The following ADAM28 variants were observed in gnomAD, a reference collection of about 807,000 sequenced individuals.
ADAM28 encodes disintegrin and metalloproteinase domain-containing protein 28.
ADAM28 carries 105 observed loss-of-function variants against 101.2 expected under a neutral mutation model. The observed-to-expected ratio is 1.04, with a 90% CI of 0.89 to 1.22. The LOEUF is 1.22. Among genes scored for constraint, ADAM28 ranks in the 50% most tolerant of loss-of-function variants. The pLI, the probability that ADAM28 is intolerant of heterozygous loss-of-function variation, is 0.00. For missense variants in ADAM28, 1,028 were observed against 945.4 expected, an observed-to-expected ratio of 1.09 and a Z score of -1.15; for synonymous variants, 322 against 310.6, an observed-to-expected ratio of 1.04 and a Z score of -0.39.
Position 24,353,759 on chromosome 8 carries a change from A to G in ADAM28, c.2245-11A>G, listed in dbSNP as rs762765577. On this transcript the variant is annotated splice_polypyrimidine_tract_variant and intron_variant, in intron 21 of 22. Coordinates refer to ENST00000265769, the MANE Select transcript of ADAM28 (RefSeq NM_014265.6). ...TCTAATGCCATACCATTGTTTTTAT[A>G]ATTAACGTAGCATAAAGACACAAAC... 4 of 1,445,306 alleles carry G rather than the reference A, an allele frequency of 2.8e-6. No homozygotes were observed. In the African/African-American group the frequency reaches 5.6e-5, roughly 20 times the overall value. The allele number at this position is 1,445,306 out of a possible 1,614,324, so 89.5% of individuals were successfully genotyped here.
At chr8:24,350,864 GT>G (rs35073591) in intron 19 of ADAM28, among the ~76,000 whole-genome samples, 62 of 148,252 alleles carry the variant, frequency 4.2e-4, no homozygotes, top group African/African-American at 1.3e-3. Context: ...GCACAACGGT[GT>G]TTTTTTTTTT....
intron 16 of ADAM28, 66 bp from the exon 17 acceptor site, chr8:24,343,035 C>G (rs902863924): frequency 3.0e-5 from 49 of 1,607,836 alleles, no homozygotes; most frequent in Non-Finnish European, 3.9e-5. Flanking sequence ...CCTCTTCACA[C>G]AGACCTCAAC....
chr8:24,350,779 G>C (rs917197452), intron 19 of ADAM28, among the ~76,000 whole-genome samples: 1 of 152,020 alleles, frequency 6.6e-6, no homozygotes, highest in African/African-American at 2.4e-5. Flanking sequence ...AGCTCAGAGA[G>C]ATTATTAGCA....
chr8:24,321,707 AG>A, intron 8 of ADAM28, among the ~76,000 whole-genome samples: 1 of 152,014 alleles, frequency 6.6e-6, no homozygotes, highest in East Asian at 1.9e-4. Context: ...ATGTTACTAA[AG>A]CCTAATGCAT....
rs539442051 is a variant in ADAM28, at chr8:24,358,919, C to T, written c.*4515C>T. On this transcript the variant is annotated 3_prime_UTR_variant, in exon 23 of 23. Coordinates refer to ENST00000265769, the MANE Select transcript of ADAM28 (RefSeq NM_014265.6). ...ATGACTAAGTCGTTTATGTTGCTCC[C>T]ACCTCACACAAAGTTAAAACTATTT... The T allele has an allele frequency of 1.3e-5, 2 of 152,116 alleles. No individual in the cohort carries two copies. Among genetic ancestry groups the T allele is most frequent in the African/African-American group, 2.4e-5 (1 of 41,416 alleles). 9.4% of individuals were successfully genotyped at this position (152,116 alleles called of 1,614,324 possible).
At chr8:24,310,028 T>C (rs895789669) in intron 3 of ADAM28, 58 bp downstream of exon 3, 3 of 1,475,202 alleles carry the variant, frequency 2.0e-6, no homozygotes, top group African/African-American at 1.4e-5. Flanking sequence ...CTATGGAGAG[T>C]GTGCTGAGTC....
rs369027742 is a variant in ADAM28, at chr8:24,307,273, A to T, written c.151-2621A>T. ...TAGATTAAGTGCTTCACTTCTCAAG[A>T]CAGTGAACAGATGGAAGACTTTTGT... On this transcript the variant is annotated intron_variant, in intron 2 of 22. Coordinates refer to ENST00000265769, the MANE Select transcript of ADAM28 (RefSeq NM_014265.6). 8.5e-5 allele frequency among the ~76,000 whole-genome samples: 13 copies of T among 152,178 alleles called. No individual in the cohort carries two copies. In the East Asian group the frequency reaches 2.3e-3, roughly 27 times the overall value.
chr8:24,328,489 G>A (rs1325776100), intron 10 of ADAM28, among the ~76,000 whole-genome samples: 1 of 151,958 alleles, frequency 6.6e-6, no homozygotes, highest in African/African-American at 2.4e-5. Flanking sequence ...TTTCAAACTT[G>A]AAATAGCTTG....
intron 13 of ADAM28, among the ~76,000 whole-genome samples, chr8:24,333,133 A>G (rs996027296): frequency 2.0e-5 from 3 of 152,224 alleles, no homozygotes; most frequent in African/African-American, 7.2e-5. Flanking sequence ...ATACACGCAA[A>G]CAGAGTAGAA....
intron 11 of ADAM28, among the ~76,000 whole-genome samples, chr8:24,330,854 A>G (rs901165123): frequency 6.6e-6 from 1 of 152,152 alleles, no homozygotes; most frequent in Non-Finnish European, 1.5e-5. Flanking sequence ...ATATTTTGGT[A>G]CCTTTAGGTC....
At chr8:24,300,395 A>G (rs1808560875) in intron 2 of ADAM28, among the ~76,000 whole-genome samples, 1 of 152,200 alleles carries the variant, frequency 6.6e-6, no homozygotes, top group South Asian at 2.1e-4. Context: ...GTCCAAGGTT[A>G]AAAAGAGTAA....
rs1435617605 is a variant in ADAM28, at chr8:24,313,524, G to A, written c.520G>A (p.Val174Met). The change falls in exon 6 of 23, where the codon GTG becomes ATG. Residue 174 changes from valine to methionine, a missense_variant. By Grantham distance (21) the Val-to-Met change is conservative. Transcript: ENST00000265769. ...TGACAGCACCTGTGGGATGGATGGT[G>A]TGTTGTGGGCCCACGATTTGCAGCA... Reference protein sequence around the residue: ...NYDSTCGMDGVLWAHDLQQNI... With the variant: ...NYDSTCGMDGMLWAHDLQQNI... The A allele has an allele frequency of 1.2e-6, 2 of 1,613,936 alleles. No homozygotes were observed. The highest frequency in any genetic ancestry group is 1.7e-5 in the Admixed American group (1 of 59,980).
chr8:24,300,200 GTGTA>G, intron 2 of ADAM28, 123 bp downstream of exon 2: 1 of 676,250 alleles, frequency 1.5e-6, no homozygotes. Flanking sequence ...ATGTGTGTGT[GTGTA>G]TGTGTGTGCC....
At chr8:24,319,886 A>G (rs1811641700) in intron 6 of ADAM28, among the ~76,000 whole-genome samples, 1 of 151,978 alleles carries the variant, frequency 6.6e-6, no homozygotes, top group African/African-American at 2.4e-5. Flanking sequence ...AAACACTAGG[A>G]GGATGCTGAA....
Position 24,349,499 on chromosome 8 carries a change from T to C in ADAM28, c.1991-365T>C, listed in dbSNP as rs374816320. Among the ~76,000 whole-genome samples, 5 of 152,310 alleles carry C rather than the reference T, an allele frequency of 3.3e-5. No individual in the cohort carries two copies. In the South Asian group the frequency reaches 6.2e-4, roughly 19 times the overall value. On this transcript the variant is annotated intron_variant, in intron 18 of 22. Coordinates refer to ENST00000265769, the MANE Select transcript of ADAM28 (RefSeq NM_014265.6). ...AAGTTTTAGTTTCTTTTTCTCTGTT[T>C]TATTCCAAGACTGCTTTTCAAAAAT...
At position 24,310,205 on chromosome 8, in the gene ADAM28, C is replaced by T. The variant is rs1810264823; in HGVS notation, c.270C>T (p.Ser90=). Residue 90 remains serine, a synonymous_variant, in exon 4 of 23, where the codon TCC becomes TCT. Transcript: ENST00000265769. The part of the protein sequence containing the change: ...APGYTETYYN[S]TGKEITTSPQ... ...GCTACACGGAAACATATTATAATTCCACTGGAAAGGAGATCACCACAAGCC... is the reference window on the plus strand; with the variant it reads ...GCTACACGGAAACATATTATAATTCTACTGGAAAGGAGATCACCACAAGCC... 1.2e-6 allele frequency: 2 copies of T among 1,613,376 alleles called. No homozygotes were observed. Among genetic ancestry groups the T allele is most frequent in the East Asian group, 4.5e-5 (2 of 44,848 alleles).
chr8:24,307,159 G>C (rs1245158521), intron 2 of ADAM28, among the ~76,000 whole-genome samples: 1 of 152,102 alleles, frequency 6.6e-6, no homozygotes, highest in Non-Finnish European at 1.5e-5. Flanking sequence ...AATACTATTT[G>C]AAACGATCCC....
chr8:24,310,020 A>G (rs373966105), intron 3 of ADAM28, 50 bp downstream of exon 3: 48 of 1,494,140 alleles, frequency 3.2e-5, no homozygotes, highest in Non-Finnish European at 4.2e-5. Context: ...AAGGCAGCCT[A>G]TGGAGAGTGT....
At position 24,294,095 on chromosome 8, in the gene ADAM28, A is replaced by C; in HGVS notation, c.-55A>C. 2 of 1,601,592 alleles carry C rather than the reference A, an allele frequency of 1.2e-6. No homozygotes were observed. Among genetic ancestry groups the C allele is most frequent in the African/African-American group, 2.7e-5 (2 of 74,762 alleles). On this transcript the variant is annotated 5_prime_UTR_variant, in exon 1 of 23. Coordinates refer to ENST00000265769, the MANE Select transcript of ADAM28 (RefSeq NM_014265.6). Reference sequence around the variant, plus strand: ...CTGGAGAGGAGGCAGGGACAGACCCAGCAGCACCCACCTGAGCGAGAAGAG... The same window carrying C: ...CTGGAGAGGAGGCAGGGACAGACCCCGCAGCACCCACCTGAGCGAGAAGAG...
Sources: allele counts gnomAD v4.1 joint callset (sites outside exome capture counted in the v4.1 genomes callset), GRCh38; gene constraint gnomAD v4.1.1; transcripts MANE v1.5; gene names NCBI Gene and HGNC (gene_info 2026-07-23, HGNC 2026-07-21).